TEX264: variants seen among roughly 807,000 people sequenced by gnomAD.
TEX264 encodes testis expressed 264, ER-phagy receptor, also known as testis-expressed protein 264.
In TEX264, 13 loss-of-function variants were observed where a neutral mutation model predicts 23.4. That is an observed-to-expected ratio of 0.56 (90% confidence interval 0.36 to 0.88). The LOEUF (loss-of-function observed/expected upper bound fraction) is 0.88. Among genes scored for constraint, TEX264 ranks in the 40% least tolerant of loss-of-function variants. The probability of loss-of-function intolerance (pLI) is 0.01; values close to 1 mark genes in which losing one functional copy is unlikely to be tolerated. For missense variants in TEX264, 340 were observed against 406.8 expected (o/e 0.84, Z 1.41); for synonymous variants, 159 against 170.0 (o/e 0.94, Z 0.50).
Position 51,686,261 on chromosome 3 carries a change from C to T in TEX264, c.480+1627C>T, listed in dbSNP as rs1348046718. On this transcript the variant is annotated intron_variant, in intron 3 of 4. Transcript: ENST00000341333. The surrounding 1 kb of genome is among the most constrained non-coding windows in gnomAD (Gnocchi z 4.1). ...GTAGGCAGTGGACAGCCTGTGGCAGCAAAGGCTGCGCAGAGGGCGTGGCCA... is the reference window on the plus strand; with the variant it reads ...GTAGGCAGTGGACAGCCTGTGGCAGTAAAGGCTGCGCAGAGGGCGTGGCCA... Among the ~76,000 whole-genome samples, 3 of 152,164 alleles carry T rather than the reference C, an allele frequency of 2.0e-5. No individual in the cohort carries two copies. The highest frequency in any genetic ancestry group is 7.2e-5 in the African/African-American group (3 of 41,426).
chr3:51,704,286 C>T lies in TEX264; in HGVS notation c.*270C>T. 2.9e-6 allele frequency: 1 copy of T among 344,518 alleles called. No homozygotes were observed. The highest frequency in any genetic ancestry group is 5.2e-6 in the Non-Finnish European group (1 of 191,428). 21.3% of individuals were successfully genotyped at this position (344,518 alleles called of 1,614,324 possible). A position where few individuals can be genotyped will look rare whatever the true frequency, so the allele number is the denominator to read the frequency against. On this transcript the variant is annotated 3_prime_UTR_variant, in exon 5 of 5. Transcript: ENST00000341333. ...CAGACTCACAGTGGAGCTTCCAGGA[C>T]CCAGAATAAAGCCAATGATTTACTT...
intron 3 of TEX264, among the ~76,000 whole-genome samples, chr3:51,698,303 GTC>G (rs1158899898): frequency 1.3e-5 from 2 of 152,200 alleles, no homozygotes; most frequent in Non-Finnish European, 1.5e-5. Flanking sequence ...CAGGCAATAA[GTC>G]TCTCATTACT....
intron 2 of TEX264, among the ~76,000 whole-genome samples, chr3:51,676,455 G>A (rs554001150): frequency 2.0e-5 from 3 of 152,322 alleles, no homozygotes; most frequent in Non-Finnish European, 4.4e-5. Flanking sequence ...CAGAGATGTG[G>A]TGGACCCCAT....
At chr3:51,681,538 C>T (rs1702429800) in intron 2 of TEX264, 1 of 152,292 alleles carries the variant, frequency 6.6e-6, no homozygotes, top group Non-Finnish European at 1.5e-5. Flanking sequence ...GTTTCCCAGT[C>T]AGAAGGGACT....
At chr3:51,695,914 G>C (rs551927194) in intron 3 of TEX264, among the ~76,000 whole-genome samples, 31 of 152,276 alleles carry the variant, frequency 2.0e-4, no homozygotes, top group Non-Finnish European at 2.9e-5. Context: ...GGTGTCCCAA[G>C]TCCCCATCTT....
chr3:51,700,625 CAG>C (rs1338758390), intron 4 of TEX264, among the ~76,000 whole-genome samples: 1 of 152,106 alleles, frequency 6.6e-6, no homozygotes, highest in African/African-American at 2.4e-5. Flanking sequence ...GGCAGGAAGA[CAG>C]AGTGCCTTCA....
chr3:51,679,832 C>G (rs528227936), intron 2 of TEX264, among the ~76,000 whole-genome samples: 1 of 152,114 alleles, frequency 6.6e-6, no homozygotes, highest in Non-Finnish European at 1.5e-5. Context: ...TCTTTCCTCC[C>G]GAGCCTGAAG....
At chr3:51,674,200 T>C in intron 1 of TEX264, 71 bp from the exon 2 acceptor site, 1 of 1,542,260 alleles carries the variant, frequency 6.5e-7, no homozygotes, top group Non-Finnish European at 8.8e-7. Context: ...GGGCCAGAAC[T>C]GGTTGGCGGG....
intron 3 of TEX264, among the ~76,000 whole-genome samples, chr3:51,685,121 C>T (rs1052068897): frequency 6.6e-5 from 10 of 152,224 alleles, no homozygotes; most frequent in African/African-American, 2.4e-4. Flanking sequence ...GTGGCAGGCT[C>T]TGTTTCCTTT....
intron 3 of TEX264, among the ~76,000 whole-genome samples, chr3:51,685,868 C>G (rs540710810): frequency 6.6e-6 from 1 of 152,184 alleles, no homozygotes; most frequent in African/African-American, 2.4e-5. Context: ...TGGAGATTTA[C>G]AATCACTTTT....
rs1702625884 is a variant in TEX264 at position 51,686,532 on chromosome 3, G to C, written c.480+1898G>C. Among the ~76,000 whole-genome samples the C allele has an allele frequency of 6.6e-6, 1 of 152,292 alleles. No homozygotes were observed. Among genetic ancestry groups the C allele is most frequent in the African/African-American group, 2.4e-5 (1 of 41,566 alleles). ...AGGTTTGAAGAATCAGGAGTGAGAA[G>C]ACCTGGAAAGGGGAGGGCTGTCACG... On this transcript the variant is annotated intron_variant, in intron 3 of 4. Coordinates refer to ENST00000341333, the MANE Select transcript of TEX264 (RefSeq NM_015926.6). This position sits in a 1 kb window ranked among gnomAD's most constrained non-coding sequence, Gnocchi z 4.1.
Position 51,703,753 on chromosome 3 carries a change from G to A in TEX264, c.679G>A (p.Val227Ile), listed in dbSNP as rs2107063392. The change falls in exon 5 of 5, where the codon GTA (valine) becomes ATA (isoleucine). Residue 227 changes from valine to isoleucine, a missense_variant. Physicochemically the swap from Val to Ile is conservative, Grantham distance 29 (BLOSUM62 3). Coordinates refer to ENST00000341333, the MANE Select transcript of TEX264 (RefSeq NM_015926.6). This position sits in a 1 kb window ranked among gnomAD's most constrained non-coding sequence, Gnocchi z 4.8. ...GADTMSDTSS[V>I]SLEVSPGSRE... ...TGACACAATGAGTGACACGAGTTCTGTAAGCTTGGAAGTGAGCCCTGGCAG... is the reference window on the plus strand; with the variant it reads ...TGACACAATGAGTGACACGAGTTCTATAAGCTTGGAAGTGAGCCCTGGCAG... The A allele has an allele frequency of 6.3e-7, 1 of 1,598,522 alleles. No homozygotes were observed. Among genetic ancestry groups the A allele is most frequent in the Non-Finnish European group, 8.6e-7 (1 of 1,167,968 alleles).
At chr3:51,680,762 A>G (rs183621474) in intron 2 of TEX264, among the ~76,000 whole-genome samples, 167 of 152,320 alleles carry the variant, frequency 1.1e-3, no homozygotes, top group African/African-American at 4.0e-3. Context: ...GCCCAGGCCT[A>G]TGTCCTAGGG....
chr3:51,701,442 A>G (rs4468965), intron 4 of TEX264, among the ~76,000 whole-genome samples: 113,442 of 151,332 alleles, frequency 0.75, 43,373 homozygotes, highest in Middle Eastern at 0.85. Flanking sequence ...CTCCCACCTC[A>G]GCCTCCTGAG....
At chr3:51,683,527 G>A (rs1276068301) in intron 2 of TEX264, 2 of 152,234 alleles carry the variant, frequency 1.3e-5, no homozygotes, top group Non-Finnish European at 2.9e-5. Flanking sequence ...AACCTACAGA[G>A]ATTTGGAGGG....
Position 51,699,400 on chromosome 3 carries a change from G to A in TEX264, c.481-6G>A. 6.2e-7 allele frequency: 1 copy of A among 1,613,246 alleles called. No homozygotes were observed. Among genetic ancestry groups the A allele is most frequent in the South Asian group, 1.1e-5 (1 of 91,024 alleles). On this transcript the variant is annotated splice_region_variant and splice_polypyrimidine_tract_variant and intron_variant, in intron 3 of 4. Coordinates refer to ENST00000341333, the MANE Select transcript of TEX264 (RefSeq NM_015926.6). ...CTCATTCTACCTTTTGCCACTCTCTGACTAGGAGCGGAAGCTGTGTGCCTA... is the reference window on the plus strand; with the variant it reads ...CTCATTCTACCTTTTGCCACTCTCTAACTAGGAGCGGAAGCTGTGTGCCTA...
intron 4 of TEX264, among the ~76,000 whole-genome samples, chr3:51,700,247 G>A (rs1703242002): frequency 6.6e-6 from 1 of 152,158 alleles, no homozygotes; most frequent in Non-Finnish European, 1.5e-5. Flanking sequence ...TTACATCCCA[G>A]ATGGTCCCAG....
chr3:51,684,818 C>T (rs896278373), intron 3 of TEX264, among the ~76,000 whole-genome samples, 184 bp downstream of exon 3: 3 of 152,202 alleles, frequency 2.0e-5, no homozygotes, highest in Non-Finnish European at 4.4e-5. Flanking sequence ...CTTTCAGATG[C>T]CCAAGATCTT....
intron 4 of TEX264, among the ~76,000 whole-genome samples, chr3:51,700,503 C>T (rs1211911105): frequency 6.6e-6 from 1 of 152,116 alleles, no homozygotes; most frequent in East Asian, 1.9e-4. Flanking sequence ...ACTTAATTAC[C>T]TCCATGGGGT....
Sources: allele counts gnomAD v4.1 joint callset (sites outside exome capture counted in the v4.1 genomes callset), GRCh38; gene constraint gnomAD v4.1.1; non-coding constraint Gnocchi (gnomAD v3.1); transcripts MANE v1.5; gene names NCBI Gene and HGNC (gene_info 2026-07-23, HGNC 2026-07-21).